TMC5: variants seen among roughly 807,000 people sequenced by gnomAD.
The protein encoded by TMC5 is transmembrane channel like 5.
TMC5 carries 86 observed loss-of-function variants against 110.5 expected under a neutral mutation model. The observed-to-expected ratio is 0.78, with a 90% confidence interval of 0.65 to 0.93. The LOEUF (loss-of-function observed/expected upper bound fraction) is 0.93, where lower values mean the gene tolerates loss of function less well. Ranked by LOEUF, TMC5 falls within the 40% of genes least tolerant of loss-of-function variation. The probability of loss-of-function intolerance (pLI) is 0.00; values close to 1 mark genes in which losing one functional copy is unlikely to be tolerated. For synonymous variants in TMC5, 455 were observed against 439.5 expected, an observed-to-expected ratio of 1.04 and a Z score of -0.44; for missense variants, 1,144 against 1,222.8, an observed-to-expected ratio of 0.94 and a Z score of 0.96.
chr16:19,490,298 T>A (rs777277180), intron 17 of TMC5, 97 bp from the exon 18 acceptor site: 9 of 1,222,766 alleles, frequency 7.4e-6, no homozygotes, highest in Non-Finnish European at 1.1e-5. Flanking sequence ...CAAGACTTGA[T>A]GTTTTCAGGC....
chr16:19,423,977 C>A (rs1366630251), intron 1 of TMC5, among the ~76,000 whole-genome samples: 10 of 152,122 alleles, frequency 6.6e-5, no homozygotes, highest in Non-Finnish European at 1.5e-5. Context: ...TTGTCTCAAA[C>A]TCCTGACCTC....
In TMC5 at chr16:19,493,649, C is replaced by T. The variant is rs150471780; in HGVS notation, c.2827-613C>T. Among the ~76,000 whole-genome samples the T allele has an allele frequency of 5.9e-4, 89 of 151,946 alleles. No individual in the cohort carries two copies. The East Asian group carries it at 0.016, about 27-fold the overall frequency. ...CTAATTTTTGTATTTTTAGTAGAGA[C>T]GGGGTTTCACCATGTTGACTAGGCT... is the stretch of plus-strand genomic sequence containing the variant. On this transcript the variant is annotated intron_variant, in intron 19 of 21. Coordinates refer to ENST00000542583, the MANE Select transcript of TMC5 (RefSeq NM_001261841.2).
upstream of TMC5, among the ~76,000 whole-genome samples, chr16:19,414,866 G>A (rs531620387): frequency 3.6e-4 from 55 of 151,990 alleles, no homozygotes; most frequent in African/African-American, 1.3e-3. Flanking sequence ...GGCAACATAG[G>A]GAGACCCCAT....
chr16:19,413,523 CAAAAAAAA>C (rs869158130), upstream of TMC5, among the ~76,000 whole-genome samples: 5 of 52,966 alleles, frequency 9.4e-5, no homozygotes, highest in African/African-American at 1.5e-4. Flanking sequence ...AACCCTGCCT[CAAAAAAAA>C]AAAAAAAAAA....
chr16:19,456,994 T>G, intron 5 of TMC5: 2 of 1,611,874 alleles, frequency 1.2e-6, no homozygotes, highest in Non-Finnish European at 1.7e-6. Flanking sequence ...ACACTCCTGG[T>G]TCTTCACATG....
chr16:19,439,962 GA>G lies in TMC5; in HGVS notation c.-65del, dbSNP rs5816052. On this transcript the variant is annotated 5_prime_UTR_variant, in exon 3 of 22. Coordinates refer to ENST00000542583, the MANE Select transcript of TMC5 (RefSeq NM_001261841.2). ...TTTCTTTTCTTCTTGTTTTTCAGGT[GA>G]AAAAAAAAAAAGATCCCTGAGTAAT... 0.14 allele frequency: 121,265 copies of G among 864,070 alleles called. 488 individuals carry two copies. Among genetic ancestry groups the G allele is most frequent in the South Asian group, 0.18 (7,972 of 45,150 alleles). 53.5% of individuals were successfully genotyped at this position (864,070 alleles called of 1,614,324 possible).
intron 1 of TMC5, among the ~76,000 whole-genome samples, chr16:19,429,353 T>C (rs1049550111): frequency 6.6e-6 from 1 of 152,236 alleles, no homozygotes; most frequent in African/African-American, 2.4e-5. Context: ...CACTTGCTAT[T>C]TAGAGACTAT....
chr16:19,458,005 G>A (rs28448509), intron 5 of TMC5, among the ~76,000 whole-genome samples: 5,554 of 151,160 alleles, frequency 0.037, 128 homozygotes, highest in African/African-American at 0.058. Context: ...ATGGATTACG[G>A]GTGTAAGCCA....
chr16:19,469,995 C>T (rs1000380058), intron 10 of TMC5, among the ~76,000 whole-genome samples, 170 bp downstream of exon 10: 3 of 143,528 alleles, frequency 2.1e-5, no homozygotes, highest in Non-Finnish European at 3.0e-5. Context: ...CCCGGGTTCA[C>T]GCCATTCTCC....
chr16:19,493,633 G>T (rs1328047093), intron 19 of TMC5, among the ~76,000 whole-genome samples: 2 of 151,958 alleles, frequency 1.3e-5, no homozygotes, highest in African/African-American at 4.8e-5. Context: ...GCTAATTTTT[G>T]TATTTTTAGT....
At chr16:19,458,841 A>G (rs1293101759) in intron 5 of TMC5, among the ~76,000 whole-genome samples, 2 of 152,076 alleles carry the variant, frequency 1.3e-5, no homozygotes, top group Non-Finnish European at 2.9e-5. Flanking sequence ...TACGATGAAC[A>G]TTGTATTTCC....
intron 1 of TMC5, among the ~76,000 whole-genome samples, chr16:19,427,319 G>C (rs368211502): frequency 2.0e-5 from 3 of 152,248 alleles, no homozygotes; most frequent in East Asian, 3.9e-4. Context: ...GGGCACAGTA[G>C]CTCACACCTA....
chr16:19,449,266 G>T (rs995234236), intron 4 of TMC5, among the ~76,000 whole-genome samples: 1 of 152,136 alleles, frequency 6.6e-6, no homozygotes, highest in African/African-American at 2.4e-5. Flanking sequence ...GATTACAGGC[G>T]TGAGCTACCT....
At position 19,434,489 on chromosome 16, in the gene TMC5, TAG is replaced by T. The variant is rs1567300791; in HGVS notation, c.-80+3851_-80+3852del. On this transcript the variant is annotated intron_variant, in intron 2 of 21. Transcript: ENST00000542583. ...ATAGATAGATAGATAGATAGATAGA[TAG>T]ATATAGAGAGAGAGAGAGATGGGGG... is the stretch of plus-strand genomic sequence containing the variant. Among the ~76,000 whole-genome samples the T allele has an allele frequency of 7.9e-4, 60 of 76,058 alleles. 2 individuals carry two copies. Among genetic ancestry groups the T allele is most frequent in the South Asian group, 3.2e-3 (6 of 1,876 alleles). The allele number at this position is 76,058 out of a possible 152,430, so 49.9% of individuals were successfully genotyped here. A position where few individuals can be genotyped will look rare whatever the true frequency, so the allele number is the denominator to read the frequency against.
chr16:19,419,349 A>G (rs1161426448), intron 1 of TMC5, among the ~76,000 whole-genome samples: 1 of 142,454 alleles, frequency 7.0e-6, no homozygotes, highest in African/African-American at 2.6e-5. Flanking sequence ...GTTTGACTAG[A>G]TTCTTTCTAC....
intron 17 of TMC5, among the ~76,000 whole-genome samples, chr16:19,489,360 A>G (rs1353110580): frequency 6.6e-6 from 1 of 151,766 alleles, no homozygotes; most frequent in Non-Finnish European, 1.5e-5. Context: ...TTTGAGACAG[A>G]GTCTCACTCT....
intron 8 of TMC5, among the ~76,000 whole-genome samples, chr16:19,464,441 T>C (rs761889139): frequency 6.6e-5 from 10 of 152,126 alleles, no homozygotes; most frequent in Non-Finnish European, 2.9e-5. Context: ...AATCAATCAA[T>C]CAATAAAGTG....
intron 4 of TMC5, 68 bp downstream of exon 4, chr16:19,444,318 T>C (rs1030819575): frequency 7.0e-7 from 1 of 1,434,646 alleles, no homozygotes; most frequent in Non-Finnish European, 9.6e-7. Context: ...AGGGGTGCAA[T>C]CATTAAGGAG....
At chr16:19,491,679 G>A (rs1003484071) in intron 18 of TMC5, among the ~76,000 whole-genome samples, 3 of 151,820 alleles carry the variant, frequency 2.0e-5, no homozygotes, top group Non-Finnish European at 4.4e-5. Flanking sequence ...GGGACTACAG[G>A]CACCCACCAC....
Sources: allele counts gnomAD v4.1 joint callset (sites outside exome capture counted in the v4.1 genomes callset), GRCh38; gene constraint gnomAD v4.1.1; transcripts MANE v1.5; gene names NCBI Gene and HGNC (gene_info 2026-07-23, HGNC 2026-07-21).